PCDH15: variants seen among roughly 807,000 people sequenced by gnomAD.
PCDH15 encodes the protein protocadherin-15.
PCDH15 carries 129 observed loss-of-function variants against 178.5 expected under a neutral mutation model. The ratio of observed to expected loss-of-function variants is 0.72; its 90% CI spans 0.63 to 0.84. The LOEUF (loss-of-function observed/expected upper bound fraction) is 0.84. Among genes scored for constraint, PCDH15 ranks in the 40% least tolerant of loss-of-function variants. The pLI is 0.00. For synonymous variants in PCDH15, 800 were observed against 732.0 expected, an observed-to-expected ratio of 1.09 and a Z score of -1.50; for missense variants, 2,230 against 2,099.9, an observed-to-expected ratio of 1.06 and a Z score of -1.21.
chr10:55,401,594 C>CTGTGTGTGTGTGTGTGTGTGTG (rs3074786), intron 2 of PCDH15, among the ~76,000 whole-genome samples: 21 of 133,178 alleles, frequency 1.6e-4, no homozygotes, highest in African/African-American at 5.6e-4. Context: ...ATTTGCCTTA[C>CTGTGTGTGTGTGTGTGTGTGTG]TGTGTGTGTG....
intron 2 of PCDH15, among the ~76,000 whole-genome samples, chr10:55,109,893 A>T (rs576875379): frequency 3.9e-5 from 6 of 151,914 alleles, no homozygotes; most frequent in Non-Finnish European, 8.8e-5. Context: ...GAATGTGGAA[A>T]TTTCCCCAAA....
chr10:54,894,536 A>G (rs1296763854), intron 3 of PCDH15, among the ~76,000 whole-genome samples: 1 of 152,178 alleles, frequency 6.6e-6, no homozygotes, highest in African/African-American at 2.4e-5. Context: ...TTGACCTGAA[A>G]GTTGAACTCC....
intron 26 of PCDH15, among the ~76,000 whole-genome samples, chr10:53,889,546 A>T (rs968953585): frequency 6.6e-6 from 1 of 152,166 alleles, no homozygotes; most frequent in African/African-American, 2.4e-5. Context: ...TAAAAAAAAA[A>T]ATCAGACAAA....
At chr10:53,828,145 G>A (rs920206911) in intron 31 of PCDH15, among the ~76,000 whole-genome samples, 1 of 138,392 alleles carries the variant, frequency 7.2e-6, no homozygotes, top group Admixed American at 8.0e-5. Context: ...GGCGGAGGTT[G>A]CAGTGAGCCC....
chr10:54,767,134 T>A (rs1948609981), intron 1 of PCDH15, among the ~76,000 whole-genome samples: 1 of 152,118 alleles, frequency 6.6e-6, no homozygotes, highest in Non-Finnish European at 1.5e-5. Flanking sequence ...TTTTCAGGCT[T>A]TTGCAAAATA....
intron 2 of PCDH15, among the ~76,000 whole-genome samples, chr10:55,378,412 C>G (rs1228104902): frequency 6.6e-6 from 1 of 152,010 alleles, no homozygotes; most frequent in Admixed American, 6.6e-5. Flanking sequence ...GAATTTGGTG[C>G]TATTCTCATA....
intron 1 of PCDH15, among the ~76,000 whole-genome samples, chr10:55,299,965 T>G (rs1843231208): frequency 6.6e-6 from 1 of 152,186 alleles, no homozygotes; most frequent in Non-Finnish European, 1.5e-5. Flanking sequence ...CTTATAACAT[T>G]TTTGTTTATT....
intron 25 of PCDH15, among the ~76,000 whole-genome samples, chr10:53,926,085 T>A (rs139461882): frequency 6.6e-6 from 1 of 152,354 alleles, no homozygotes; most frequent in African/African-American, 2.4e-5. Flanking sequence ...TTTCTCTTTA[T>A]AACCAGTCAT....
intron 2 of PCDH15, among the ~76,000 whole-genome samples, chr10:55,368,448 G>A (rs1845419100): frequency 6.6e-6 from 1 of 151,994 alleles, no homozygotes; most frequent in Admixed American, 6.6e-5. Context: ...AAGTTATTCT[G>A]GAAGCCTAAG....
intron 2 of PCDH15, among the ~76,000 whole-genome samples, chr10:54,940,818 G>T (rs546496382): frequency 1.3e-5 from 2 of 151,736 alleles, no homozygotes; most frequent in Admixed American, 1.3e-4. Context: ...ACTTTTTATA[G>T]TCTATAGTTT....
At chr10:54,322,028 T>C (rs1250231151) in intron 7 of PCDH15, among the ~76,000 whole-genome samples, 1 of 151,958 alleles carries the variant, frequency 6.6e-6, no homozygotes, top group Admixed American at 6.6e-5. Flanking sequence ...TGGAATCAGA[T>C]TTGATCTTAA....
rs192729146 is a variant in PCDH15 at position 54,837,263 on chromosome 10, G to T, written c.-29+60187C>A. Among the ~76,000 whole-genome samples, 930 of 152,020 alleles carry T rather than the reference G, an allele frequency of 6.1e-3. 5 individuals carry two copies. The highest frequency in any genetic ancestry group is 0.014 in the Middle Eastern group (4 of 294). On this transcript the variant is annotated intron_variant, in intron 3 of 5. Transcript: ENST00000458638. ...ACTCTAAATATGTTACACCCAGTCAGGACATTGTTTTTGTATAAAGTAAAC... is the reference window on the plus strand; with the variant it reads ...ACTCTAAATATGTTACACCCAGTCATGACATTGTTTTTGTATAAAGTAAAC...
At chr10:55,028,355 A>G (rs1023092918) in intron 2 of PCDH15, among the ~76,000 whole-genome samples, 3 of 151,900 alleles carry the variant, frequency 2.0e-5, no homozygotes, top group African/African-American at 7.2e-5. Context: ...CAAAGGATGA[A>G]TGACTCTCAA....
chr10:55,350,929 C>T (rs56208809), intron 2 of PCDH15, among the ~76,000 whole-genome samples: 82,565 of 150,942 alleles, frequency 0.55, 23,130 homozygotes, highest in African/African-American at 0.65. Flanking sequence ...TTTTTAAGTA[C>T]GTGTGGTCCA....
intron 1 of PCDH15, among the ~76,000 whole-genome samples, chr10:54,800,538 A>C (rs550768458): frequency 1.3e-5 from 2 of 152,308 alleles, no homozygotes; most frequent in East Asian, 3.9e-4. Context: ...TTGCACACAG[A>C]AAAACAAAAA....
At chr10:54,827,435 T>C (rs1458686664) in intron 3 of PCDH15, among the ~76,000 whole-genome samples, 1 of 152,132 alleles carries the variant, frequency 6.6e-6, no homozygotes, top group African/African-American at 2.4e-5. Flanking sequence ...AAAAATATTT[T>C]TATTAGCCTC....
intron 15 of PCDH15, among the ~76,000 whole-genome samples, chr10:54,121,181 T>C (rs554475804): frequency 2.0e-5 from 3 of 152,186 alleles, no homozygotes; most frequent in Admixed American, 1.3e-4. Context: ...AACAGCTTGC[T>C]CCTGAGTGAC....
intron 2 of PCDH15, among the ~76,000 whole-genome samples, chr10:55,150,756 C>T (rs899266018): frequency 1.3e-5 from 2 of 152,002 alleles, no homozygotes; most frequent in South Asian, 2.1e-4. Flanking sequence ...TGTTAATCAT[C>T]ATTGGAATTC....
intron 1 of PCDH15, among the ~76,000 whole-genome samples, chr10:54,683,807 A>C (rs1354233295): frequency 6.6e-6 from 1 of 151,972 alleles, no homozygotes; most frequent in Non-Finnish European, 1.5e-5. Context: ...TGCAATCCTG[A>C]CTCTGCCTCT....
Sources: gnomAD v4.1 joint callset for allele counts (sites outside exome capture counted in the v4.1 genomes callset) on GRCh38, gnomAD v4.1.1 for gene constraint, MANE v1.5 for transcripts, NCBI Gene and HGNC (gene_info 2026-07-23, HGNC 2026-07-21) for gene names.